The following NKAIN2 variants were observed in gnomAD, a reference collection of about 807,000 sequenced individuals.
The protein encoded by NKAIN2 is sodium/potassium transporting ATPase interacting 2, also known as sodium/potassium-transporting ATPase subunit beta-1-interacting protein 2.
A neutral mutation model predicts 32.6 loss-of-function variants in NKAIN2; 14 were observed. The ratio of observed to expected loss-of-function variants is 0.43; its 90% CI spans 0.28 to 0.67. The LOEUF is 0.67. Among genes scored for constraint, NKAIN2 ranks in the 30% least tolerant of loss-of-function variants. NKAIN2 has a pLI of 0.17. For synonymous variants in NKAIN2, 80 were observed against 87.2 expected (o/e 0.92, Z 0.46); for missense variants, 198 against 258.3 (o/e 0.77, Z 1.60).
chr6:124,480,836 A>G (rs1323120389), intron 3 of NKAIN2, among the ~76,000 whole-genome samples: 1 of 152,160 alleles, frequency 6.6e-6, no homozygotes, highest in Non-Finnish European at 1.5e-5. Context: ...AAATTTCTGA[A>G]ACTCAGTAAC....
intron 1 of NKAIN2, among the ~76,000 whole-genome samples, chr6:124,026,458 C>A (rs1157609100): frequency 1.3e-5 from 2 of 152,106 alleles, no homozygotes; most frequent in Non-Finnish European, 2.9e-5. Context: ...TTCCTTTTAT[C>A]ATCAGTAAGC....
rs184018935 is a variant in NKAIN2 at position 124,407,765 on chromosome 6, G to C, written c.273+52418G>C. On this transcript the variant is annotated intron_variant, in intron 3 of 6. Transcript: ENST00000368417. Reference sequence around the variant, plus strand: ...TTCTAGTTCTAGATCCCTGAGGAATGGCCACACTGACTTCCACAATGGTTG... The same window carrying C: ...TTCTAGTTCTAGATCCCTGAGGAATCGCCACACTGACTTCCACAATGGTTG... 6.5e-4 allele frequency among the ~76,000 whole-genome samples: 98 copies of C among 151,428 alleles called. 2 individuals are homozygous for C. The East Asian group carries it at 0.016, about 25-fold the overall frequency.
chr6:124,824,529 G>A lies in NKAIN2; in HGVS notation c.*1300G>A, dbSNP rs1781516485. On this transcript the variant is annotated 3_prime_UTR_variant, in exon 7 of 7. Transcript: ENST00000368417. ...GATGCCTTTGGAAACTTAATAGTAGGTCAATGTGTTTATGGAATATTCTGA... is the reference window on the plus strand; with the variant it reads ...GATGCCTTTGGAAACTTAATAGTAGATCAATGTGTTTATGGAATATTCTGA... 1 of 152,090 alleles carries A rather than the reference G, an allele frequency of 6.6e-6. No individual in the cohort carries two copies. The highest frequency in any genetic ancestry group is 1.5e-5 in the Non-Finnish European group (1 of 67,998). The allele number at this position is 152,090 out of a possible 1,614,324, so 9.4% of individuals were successfully genotyped here.
chr6:124,530,861 A>G (rs969039105), intron 3 of NKAIN2, among the ~76,000 whole-genome samples: 20 of 152,192 alleles, frequency 1.3e-4, no homozygotes, highest in Non-Finnish European at 1.5e-4. Flanking sequence ...AAGAAAATGA[A>G]TGTCCTAGCT....
chr6:124,106,576 A>G (rs527401982), intron 1 of NKAIN2, among the ~76,000 whole-genome samples: 14 of 152,300 alleles, frequency 9.2e-5, no homozygotes, highest in Admixed American at 2.6e-4. Flanking sequence ...GGAAAGGCGG[A>G]ATGATTTAAG....
chr6:123,898,699 T>A (rs546676956), intron 1 of NKAIN2, among the ~76,000 whole-genome samples: 1 of 152,260 alleles, frequency 6.6e-6, no homozygotes, highest in Admixed American at 6.5e-5. Flanking sequence ...TATTAGGAAG[T>A]CATCATCATC....
intron 1 of NKAIN2, among the ~76,000 whole-genome samples, chr6:123,888,204 G>T (rs1271985560): frequency 6.6e-6 from 1 of 151,962 alleles, no homozygotes; most frequent in Admixed American, 6.6e-5. Flanking sequence ...GCCAAAATGT[G>T]CTTTAATATT....
Position 124,277,143 on chromosome 6 carries a change from T to C in NKAIN2, c.55-5862T>C, listed in dbSNP as rs372121777. 6.0e-4 allele frequency among the ~76,000 whole-genome samples: 91 copies of C among 152,222 alleles called. 1 individual carries two copies. In the South Asian group the frequency reaches 0.018, roughly 31 times the overall value. ...CAAACTTTCTACATCTCATTTAATG[T>C]TGTTTTAAGATCTCTGTGGGGCAGG... is the stretch of plus-strand genomic sequence containing the variant. On this transcript the variant is annotated intron_variant, in intron 1 of 6. Transcript: ENST00000368417.
chr6:124,529,137 C>T (rs1407382491), intron 3 of NKAIN2, among the ~76,000 whole-genome samples: 2 of 152,116 alleles, frequency 1.3e-5, no homozygotes. Flanking sequence ...TTTCTTATGT[C>T]TTTTACTAAC....
chr6:124,160,015 A>C (rs1289837966), intron 1 of NKAIN2, among the ~76,000 whole-genome samples: 1 of 152,152 alleles, frequency 6.6e-6, no homozygotes, highest in Non-Finnish European at 1.5e-5. Flanking sequence ...GAATTGGCAA[A>C]AAAGCTTATT....
intron 2 of NKAIN2, among the ~76,000 whole-genome samples, chr6:124,315,042 A>G (rs1796887336): frequency 6.6e-6 from 1 of 152,158 alleles, no homozygotes; most frequent in Non-Finnish European, 1.5e-5. Context: ...TATATAATAA[A>G]TGATTGATTT....
chr6:124,130,151 T>C (rs993411630), intron 1 of NKAIN2, among the ~76,000 whole-genome samples: 1 of 152,126 alleles, frequency 6.6e-6, no homozygotes, highest in African/African-American at 2.4e-5. Context: ...GAGTATTTCC[T>C]AGAGGGAAAC....
chr6:124,709,461 T>C (rs1775310051), intron 4 of NKAIN2, among the ~76,000 whole-genome samples: 1 of 151,906 alleles, frequency 6.6e-6, no homozygotes, highest in East Asian at 1.9e-4. Context: ...TGTGAATCCA[T>C]CTGGTCCTGG....
Position 124,477,252 on chromosome 6 carries a change from C to T in NKAIN2, c.273+121905C>T, listed in dbSNP as rs192952358. ...GAAGTAGAAATATTCTTAAGTGCTC[C>T]GTAGCTTAATTTAGTTTCTAATGCA... On this transcript the variant is annotated intron_variant, in intron 3 of 6. Coordinates refer to ENST00000368417, the MANE Select transcript of NKAIN2 (RefSeq NM_001040214.3). Among the ~76,000 whole-genome samples, 345 of 152,194 alleles carry T rather than the reference C, an allele frequency of 2.3e-3. 4 individuals are homozygous for T. Among genetic ancestry groups the T allele is most frequent in the African/African-American group, 8.1e-3 (338 of 41,510 alleles).
At chr6:124,200,869 G>T (rs1429658683) in intron 1 of NKAIN2, among the ~76,000 whole-genome samples, 2 of 152,016 alleles carry the variant, frequency 1.3e-5, no homozygotes, top group South Asian at 4.1e-4. Context: ...GGTAAAATGG[G>T]CAGCTTTCCT....
At chr6:124,442,556 A>G (rs1370345301) in intron 3 of NKAIN2, among the ~76,000 whole-genome samples, 3 of 151,790 alleles carry the variant, frequency 2.0e-5, no homozygotes, top group South Asian at 4.2e-4. Context: ...CTTATTTGGA[A>G]CCCCTGGTCT....
chr6:123,969,934 A>G lies in NKAIN2; in HGVS notation c.54+165680A>G, dbSNP rs73557014. Reference sequence around the variant, plus strand: ...GAAAGAAGACATTCACTTATAGTGGATATATAAGTAAAATGAATAATTCAA... The same window carrying G: ...GAAAGAAGACATTCACTTATAGTGGGTATATAAGTAAAATGAATAATTCAA... On this transcript the variant is annotated intron_variant, in intron 1 of 6. Coordinates refer to ENST00000368417, the MANE Select transcript of NKAIN2 (RefSeq NM_001040214.3). Among the ~76,000 whole-genome samples the G allele has an allele frequency of 7.5e-3, 1,150 of 152,332 alleles. 14 individuals are homozygous for G. Among genetic ancestry groups the G allele is most frequent in the African/African-American group, 0.026 (1,075 of 41,584 alleles).
intron 1 of NKAIN2, among the ~76,000 whole-genome samples, chr6:124,268,858 C>G (rs866465620): frequency 6.6e-6 from 1 of 151,970 alleles, no homozygotes; most frequent in African/African-American, 2.4e-5. Context: ...AGCCATGTAA[C>G]CTTGGTCAAG....
chr6:124,739,928 G>C (rs1279567577), intron 4 of NKAIN2, among the ~76,000 whole-genome samples: 1 of 151,838 alleles, frequency 6.6e-6, no homozygotes, highest in Non-Finnish European at 1.5e-5. Flanking sequence ...ACTATGCTGG[G>C]CAGAGAGCAA....
Sources: gnomAD v4.1 joint callset for allele counts (sites outside exome capture counted in the v4.1 genomes callset) on GRCh38, gnomAD v4.1.1 for gene constraint, MANE v1.5 for transcripts, NCBI Gene and HGNC (gene_info 2026-07-23, HGNC 2026-07-21) for gene names.